GTF2A1L: variants seen among roughly 807,000 people sequenced by gnomAD.
GTF2A1L encodes TFIIA-alpha and beta-like factor.
A neutral mutation model predicts 49.7 loss-of-function variants in GTF2A1L; 48 were observed. That is an observed-to-expected ratio of 0.97 (90% CI 0.77 to 1.23). The LOEUF (loss-of-function observed/expected upper bound fraction) is 1.23, where lower values mean the gene tolerates loss of function less well. Ranked by LOEUF, GTF2A1L falls within the 50% of genes most tolerant of loss-of-function variation. The probability of loss-of-function intolerance (pLI) is 0.00; values close to 1 mark genes in which losing one functional copy is unlikely to be tolerated. For synonymous variants in GTF2A1L, 246 were observed against 193.5 expected (o/e 1.27, Z -2.25); for missense variants, 736 against 564.8 (o/e 1.30, Z -3.07).
chr2:48,672,563 G>A (rs2104313018), intron 8 of GTF2A1L, among the ~76,000 whole-genome samples: 1 of 152,312 alleles, frequency 6.6e-6, no homozygotes, highest in East Asian at 1.9e-4. Flanking sequence ...ACATGGAGAA[G>A]TCAGAGGTTA....
At chr2:48,622,587 G>A (rs1266929156) in intron 3 of GTF2A1L, among the ~76,000 whole-genome samples, 2 of 152,116 alleles carry the variant, frequency 1.3e-5, no homozygotes, top group Non-Finnish European at 2.9e-5. Flanking sequence ...AGAAGAGGCC[G>A]AGGTGGGTGG....
chr2:48,657,149 G>A (rs1046566896), intron 6 of GTF2A1L, among the ~76,000 whole-genome samples: 2 of 152,096 alleles, frequency 1.3e-5, no homozygotes, highest in African/African-American at 2.4e-5. Context: ...CAAGGTTTGT[G>A]ACATAGGTAT....
intron 3 of GTF2A1L, chr2:48,632,729 G>A (rs966889420): frequency 6.2e-6 from 1 of 160,878 alleles, no homozygotes; most frequent in South Asian, 1.7e-4. Flanking sequence ...TATAATGGTC[G>A]AAATAAATGA....
At chr2:48,642,488 A>G in intron 4 of GTF2A1L, 31 bp downstream of exon 4, 1 of 1,542,068 alleles carries the variant, frequency 6.5e-7, no homozygotes, top group Non-Finnish European at 8.8e-7. Context: ...ATATTTTAAA[A>G]GACATGTCCC....
chr2:48,677,714 C>T (rs768547251), intron 8 of GTF2A1L, among the ~76,000 whole-genome samples: 1 of 151,868 alleles, frequency 6.6e-6, no homozygotes, highest in Non-Finnish European at 1.5e-5. Context: ...TTGTATTGAC[C>T]TGGGCAAGAG....
intron 3 of GTF2A1L, among the ~76,000 whole-genome samples, chr2:48,639,298 C>T (rs997938126): frequency 6.6e-6 from 1 of 152,168 alleles, no homozygotes; most frequent in African/African-American, 2.4e-5. Context: ...TGACTTAAAA[C>T]TATACTACAG....
In GTF2A1L at chr2:48,620,881, G is replaced by A; in HGVS notation, c.52G>A (p.Val18Ile). The A allele has an allele frequency of 6.3e-7, 1 of 1,596,634 alleles. No homozygotes were observed. The highest frequency in any genetic ancestry group is 8.5e-7 in the Non-Finnish European group (1 of 1,171,932). The change falls in exon 2 of 9, where the codon GTA becomes ATA. Residue 18 changes from valine (V) to isoleucine (I), a missense_variant. By Grantham distance (29) the Val-to-Ile change is conservative (BLOSUM62 3). Transcript: ENST00000403751. ...PKLYRSVIED[V>I]IEGVRNLFAE... ...ACTCTACAGATCTGTAATTGAAGAT[G>A]TAATTGAAGGAGTTCGGAATCTATT...
chr2:48,646,765 G>C lies in GTF2A1L; in HGVS notation c.701G>C (p.Cys234Ser). 1 of 1,614,150 alleles carries C rather than the reference G, an allele frequency of 6.2e-7. No homozygotes were observed. Among genetic ancestry groups the C allele is most frequent in the Non-Finnish European group, 8.5e-7 (1 of 1,180,044 alleles). The change falls in exon 6 of 9, where the codon TGT (cysteine) becomes TCT (serine). Residue 234 changes from cysteine to serine, a missense_variant. By Grantham distance (112) the Cys-to-Ser change is moderately radical. Transcript: ENST00000403751. ...EHKIVPEALL[C>S]HQESSHYISL... ...AAAATCGTGCCTGAAGCTTTGTTGT[G>C]TCATCAGGAAAGTTCTCACTATATC...
chr2:48,648,995 C>G (rs77701266), intron 6 of GTF2A1L, among the ~76,000 whole-genome samples: 3,131 of 152,132 alleles, frequency 0.021, 43 homozygotes, highest in Non-Finnish European at 0.032. Context: ...TTTACTTTTC[C>G]TGTGTTGTAA....
At chr2:48,620,134 T>C (rs1185002021) in intron 1 of GTF2A1L, among the ~76,000 whole-genome samples, 1 of 152,236 alleles carries the variant, frequency 6.6e-6, no homozygotes, top group Non-Finnish European at 1.5e-5. Context: ...AATTCTCCTT[T>C]GGCCACTTTG....
intron 6 of GTF2A1L, among the ~76,000 whole-genome samples, chr2:48,662,329 A>C (rs1260477762): frequency 6.6e-6 from 1 of 152,224 alleles, no homozygotes; most frequent in Non-Finnish European, 1.5e-5. Context: ...GTATTTGTCC[A>C]TGTATTTAAC....
At chr2:48,679,235 A>G (rs1679633423) in intron 8 of GTF2A1L, 100 bp from the exon 9 acceptor site, 2 of 1,454,840 alleles carry the variant, frequency 1.4e-6, no homozygotes, top group Non-Finnish European at 1.8e-6. Flanking sequence ...TAAGGCACTC[A>G]CATTTCGGGT....
chr2:48,678,443 G>A (rs184023486), intron 8 of GTF2A1L, among the ~76,000 whole-genome samples: 25 of 152,014 alleles, frequency 1.6e-4, no homozygotes, highest in Non-Finnish European at 3.2e-4. Context: ...TTCACAAAAT[G>A]CATCTGAATA....
intron 3 of GTF2A1L, among the ~76,000 whole-genome samples, chr2:48,628,409 A>G (rs1412284143): frequency 1.4e-5 from 2 of 143,904 alleles, no homozygotes; most frequent in East Asian, 2.0e-4. Flanking sequence ...CTTTTTAATA[A>G]TAGCCATTGT....
chr2:48,670,190 C>T (rs991364083), intron 7 of GTF2A1L, among the ~76,000 whole-genome samples: 4 of 152,018 alleles, frequency 2.6e-5, no homozygotes, highest in South Asian at 2.1e-4. Flanking sequence ...GTTTGGAGTT[C>T]GAGGCCAGCT....
intron 6 of GTF2A1L, among the ~76,000 whole-genome samples, chr2:48,652,937 A>C (rs954248218): frequency 6.6e-6 from 1 of 151,654 alleles, no homozygotes; most frequent in African/African-American, 2.4e-5. Context: ...CTTTAAAATA[A>C]CTCAAATTTA....
Position 48,623,619 on chromosome 2 carries a change from T to G in GTF2A1L, c.247+2329T>G, listed in dbSNP as rs568532276. Among the ~76,000 whole-genome samples, 23 of 152,280 alleles carry G rather than the reference T, an allele frequency of 1.5e-4. No individual in the cohort carries two copies. In the South Asian group the frequency reaches 1.9e-3, roughly 12 times the overall value. Reference sequence around the variant, plus strand: ...ACAAAAAGACACCCACACTTGTATGTTTATTGCAGTACTACTCACATTAGC... The same window carrying G: ...ACAAAAAGACACCCACACTTGTATGGTTATTGCAGTACTACTCACATTAGC... On this transcript the variant is annotated intron_variant, in intron 3 of 8. Transcript: ENST00000403751.
intron 8 of GTF2A1L, 27 bp from the exon 9 acceptor site, chr2:48,679,308 T>A: frequency 6.3e-7 from 1 of 1,598,968 alleles, no homozygotes; most frequent in Non-Finnish European, 8.5e-7. Context: ...TAAAATTAAT[T>A]AATGTAAACT....
chr2:48,645,665 T>C (rs999346230), intron 5 of GTF2A1L, among the ~76,000 whole-genome samples: 1 of 152,220 alleles, frequency 6.6e-6, no homozygotes, highest in Non-Finnish European at 1.5e-5. Flanking sequence ...GTCCTTTTTT[T>C]TGAGATGGAG....
Sources: allele counts gnomAD v4.1 joint callset (sites outside exome capture counted in the v4.1 genomes callset), GRCh38; gene constraint gnomAD v4.1.1; transcripts MANE v1.5; gene names NCBI Gene and HGNC (gene_info 2026-07-23, HGNC 2026-07-21).